Variants in UTRN observed in about 807,000 individuals in gnomAD.
UTRN encodes the protein dystrophin-related protein 1.
In UTRN, 283 loss-of-function variants were observed where a neutral mutation model predicts 463.9. The observed-to-expected ratio is 0.61, with a 90% CI of 0.55 to 0.67. UTRN has a LOEUF of 0.67. Ranked by LOEUF, UTRN falls within the 30% of genes least tolerant of loss-of-function variation. The pLI is 0.00. For missense variants in UTRN, 3,922 were observed against 4,084.3 expected (o/e 0.96, Z 1.08); for synonymous variants, 1,442 against 1,431.5 (o/e 1.01, Z -0.17).
At chr6:144,715,700 C>G (rs537884461) in intron 53 of UTRN, among the ~76,000 whole-genome samples, 1 of 141,482 alleles carries the variant, frequency 7.1e-6, no homozygotes, top group South Asian at 2.4e-4. Flanking sequence ...TCTTCCCCCC[C>G]CACCCTTTTC....
At chr6:144,840,090 A>T (rs575002774) in intron 72 of UTRN, among the ~76,000 whole-genome samples, 21 of 152,130 alleles carry the variant, frequency 1.4e-4, no homozygotes, top group Non-Finnish European at 2.4e-4. Context: ...CGGGAGGCTG[A>T]GGCAGGAGAA....
chr6:144,771,637 G>A (rs918269544), intron 58 of UTRN, among the ~76,000 whole-genome samples: 7 of 151,910 alleles, frequency 4.6e-5, no homozygotes, highest in African/African-American at 1.7e-4. Context: ...TATTGGCCAG[G>A]CTTGTCTCAA....
Position 144,730,359 on chromosome 6 carries a change from C to T in UTRN, c.7812C>T (p.Ala2604=). 1.3e-6 allele frequency: 2 copies of T among 1,597,908 alleles called. No homozygotes were observed. The highest frequency in any genetic ancestry group is 1.7e-5 in the Admixed American group (1 of 58,288). ...ALQLQYDHCK[A]LRRELKEKEY... is the part of the protein sequence containing the mutation. ...AACTTTTGCTTCTCTTTTGAAAGGCCCTGAGACGGGAGTTAAAGGAGAAAG... is the reference window on the plus strand; with the variant it reads ...AACTTTTGCTTCTCTTTTGAAAGGCTCTGAGACGGGAGTTAAAGGAGAAAG... Residue 2604 remains alanine, a splice_region_variant and synonymous_variant, in exon 54 of 75, where the codon GCC becomes GCT. Coordinates refer to ENST00000367545, the MANE Select transcript of UTRN (RefSeq NM_007124.3).
At chr6:144,567,044 G>C (rs1439000252) in intron 50 of UTRN, among the ~76,000 whole-genome samples, 1 of 152,154 alleles carries the variant, frequency 6.6e-6, no homozygotes, top group Admixed American at 6.5e-5. Context: ...CTACTAGGGA[G>C]GCTGAGGTGG....
chr6:144,552,580 C>T (rs1799021472), intron 48 of UTRN, among the ~76,000 whole-genome samples: 1 of 152,084 alleles, frequency 6.6e-6, no homozygotes, highest in Non-Finnish European at 1.5e-5. Flanking sequence ...TTCCCTTTCC[C>T]ATTGAATGTA....
Position 144,748,356 on chromosome 6 carries a change from A to T in UTRN, c.8050A>T (p.Lys2684Ter). 1 of 1,613,826 alleles carries T rather than the reference A, an allele frequency of 6.2e-7. No homozygotes were observed. The highest frequency in any genetic ancestry group is 8.5e-7 in the Non-Finnish European group (1 of 1,179,908). The change falls in exon 55 of 75, where the codon AAG becomes TAG. Residue 2684 changes from lysine to a stop codon, truncating the protein, a stop_gained. Coordinates refer to ENST00000367545, the MANE Select transcript of UTRN (RefSeq NM_007124.3). LOFTEE classifies it high-confidence loss of function. ...AAATGCTGTAACTAGCAATTGGCAA[A>T]AGCAAGTGGACAAGGCATTGGAGAA... The part of the protein sequence containing the change: ...SLNAVTSNWQ[K>*]QVDKALEKLR...
Position 144,508,329 on chromosome 6 carries a change from C to G in UTRN, c.4765-2615C>G, listed in dbSNP as rs547119369. ...AACTCCTGCAGCTAGCTTGGTGTCTCCCCAATCGGCTGCCCAGTTTAGTGC... is the reference window on the plus strand; with the variant it reads ...AACTCCTGCAGCTAGCTTGGTGTCTGCCCAATCGGCTGCCCAGTTTAGTGC... On this transcript the variant is annotated intron_variant, in intron 34 of 74. Transcript: ENST00000367545. 1.2e-4 allele frequency among the ~76,000 whole-genome samples: 18 copies of G among 152,310 alleles called. No homozygotes were observed. The Middle Eastern group carries it at 0.014, about 115-fold the overall frequency.
At chr6:144,593,700 CT>C (rs1271681696) in intron 51 of UTRN, among the ~76,000 whole-genome samples, 1 of 152,118 alleles carries the variant, frequency 6.6e-6, no homozygotes. Context: ...CAAAAGTATG[CT>C]GATTGTATTC....
intron 61 of UTRN, among the ~76,000 whole-genome samples, chr6:144,788,319 G>C (rs1776459988): frequency 6.6e-6 from 1 of 151,908 alleles, no homozygotes. Flanking sequence ...TATATACTGA[G>C]GGCTTATAAT....
In UTRN at chr6:144,636,961, TTTTGTTTG is replaced by T. The variant is rs537561607; in HGVS notation, c.7480-41429_7480-41422del. Among the ~76,000 whole-genome samples the T allele has an allele frequency of 1.0e-3, 155 of 152,176 alleles. No homozygotes were observed. The Middle Eastern group carries it at 0.02, about 20-fold the overall frequency. ...GTTGAAATCGTGCTTCTTTCTTGAT[TTTTGTTTG>T]TTTGTTTGTTTGTTTTTTGAGACGG... On this transcript the variant is annotated intron_variant, in intron 51 of 74. Coordinates refer to ENST00000367545, the MANE Select transcript of UTRN (RefSeq NM_007124.3).
At chr6:144,525,154 TG>T (rs1476245073) in intron 41 of UTRN, among the ~76,000 whole-genome samples, 1 of 152,162 alleles carries the variant, frequency 6.6e-6, no homozygotes, top group African/African-American at 2.4e-5. Flanking sequence ...TTTTCTTTTT[TG>T]TTATGTCCTT....
Position 144,846,797 on chromosome 6 carries a change from T to C in UTRN, c.10271-8T>C. Reference sequence around the variant, plus strand: ...CCATTAAGTGATTTCTTTTGTTTTCTCTTTCAGCAAATGTTCCCAGCAGGC... The same window carrying C: ...CCATTAAGTGATTTCTTTTGTTTTCCCTTTCAGCAAATGTTCCCAGCAGGC... On this transcript the variant is annotated splice_region_variant and splice_polypyrimidine_tract_variant and intron_variant, in intron 73 of 74. Coordinates refer to ENST00000367545, the MANE Select transcript of UTRN (RefSeq NM_007124.3). 6.2e-7 allele frequency: 1 copy of C among 1,614,088 alleles called. No homozygotes were observed.
chr6:144,596,858 T>C (rs1270885517), intron 51 of UTRN, among the ~76,000 whole-genome samples: 1 of 152,224 alleles, frequency 6.6e-6, no homozygotes, highest in Non-Finnish European at 1.5e-5. Context: ...CATACTTTAC[T>C]GTTGAGCATC....
rs770980330 is a variant in UTRN, at chr6:144,435,940, A to T, written c.861A>T (p.Thr287=). Residue 287 remains threonine, a synonymous_variant, in exon 10 of 75, where the codon ACA becomes ACT. Transcript: ENST00000367545. Reference sequence around the variant, plus strand: ...TCTTGGCTTTGTTTTTACAGAGTACAGCGCCTGAGGAGGAGCATGAGAGTC... The same window carrying T: ...TCTTGGCTTTGTTTTTACAGAGTACTGCGCCTGAGGAGGAGCATGAGAGTC... ...CEEEAINIQS[T]APEEEHESPR... 6.2e-7 allele frequency: 1 copy of T among 1,613,770 alleles called. No homozygotes were observed. Among genetic ancestry groups the T allele is most frequent in the Non-Finnish European group, 8.5e-7 (1 of 1,180,006 alleles).
At chr6:144,453,657 G>A (rs943864286) in intron 18 of UTRN, 125 bp from the exon 19 acceptor site, 19 of 712,324 alleles carry the variant, frequency 2.7e-5, no homozygotes, top group East Asian at 5.3e-5. Flanking sequence ...CTATGATTAC[G>A]TTTGAATTTA....
intron 50 of UTRN, among the ~76,000 whole-genome samples, chr6:144,567,087 C>T (rs1208055718): frequency 6.6e-6 from 1 of 152,116 alleles, no homozygotes; most frequent in Non-Finnish European, 1.5e-5. Flanking sequence ...GTGGAGATTG[C>T]AGTGAGCTGT....
chr6:144,382,503 A>G (rs1052040348), intron 2 of UTRN, among the ~76,000 whole-genome samples: 1 of 152,238 alleles, frequency 6.6e-6, no homozygotes, highest in African/African-American at 2.4e-5. Flanking sequence ...GCAGTGTACT[A>G]TTCTTTTTGA....
intron 19 of UTRN, among the ~76,000 whole-genome samples, chr6:144,457,173 C>T (rs187624608): frequency 4.6e-5 from 7 of 152,150 alleles, no homozygotes; most frequent in Non-Finnish European, 5.9e-5. Context: ...GAATCATTAC[C>T]GGGCATCACT....
intron 5 of UTRN, 138 bp downstream of exon 5, chr6:144,423,764 T>C: frequency 9.3e-7 from 1 of 1,079,236 alleles, no homozygotes; most frequent in South Asian, 1.4e-5. Context: ...GAACTTTTTC[T>C]GTGAGTGAAG....
Sources: gnomAD v4.1 joint callset for allele counts (sites outside exome capture counted in the v4.1 genomes callset) on GRCh38, gnomAD v4.1.1 for gene constraint, MANE v1.5 for transcripts, NCBI Gene and HGNC (gene_info 2026-07-23, HGNC 2026-07-21) for gene names.